The following TMPRSS11F variants were observed in gnomAD, a reference collection of about 807,000 sequenced individuals.
TMPRSS11F encodes the protein transmembrane protease serine 11F.
TMPRSS11F carries 47 observed loss-of-function variants against 60.2 expected under a neutral mutation model. That is an observed-to-expected ratio of 0.78 (90% CI 0.62 to 1.00). The LOEUF is 1.00. Ranked by LOEUF, TMPRSS11F falls within the 50% of genes least tolerant of loss-of-function variation. TMPRSS11F has a pLI of 0.00. For missense variants in TMPRSS11F, 519 were observed against 522.9 expected (o/e 0.99, Z 0.07); for synonymous variants, 166 against 167.3 (o/e 0.99, Z 0.06).
chr4:68,118,918 T>C (rs535880855), intron 1 of TMPRSS11F, among the ~76,000 whole-genome samples: 1 of 152,142 alleles, frequency 6.6e-6, no homozygotes, highest in Non-Finnish European at 1.5e-5. Flanking sequence ...AATCAAAAGC[T>C]AGAAATAATT....
chr4:68,066,427 A>G (rs1723329290), intron 7 of TMPRSS11F, among the ~76,000 whole-genome samples: 2 of 152,214 alleles, frequency 1.3e-5, no homozygotes, highest in Non-Finnish European at 2.9e-5. Context: ...ACGAAAATTA[A>G]GACCCAGAAG....
intron 5 of TMPRSS11F, among the ~76,000 whole-genome samples, chr4:68,071,506 A>G (rs1176043190): frequency 1.3e-5 from 2 of 152,236 alleles, no homozygotes. Context: ...TGGAACATCT[A>G]TCACATGTGA....
At position 68,072,368 on chromosome 4, in the gene TMPRSS11F, T is replaced by C; in HGVS notation, c.469A>G (p.Lys157Glu). Residue 157 changes from lysine (K) to glutamate (E), a missense_variant, in exon 5 of 10, where the codon AAA becomes GAA. Lys to Glu is a moderately conservative substitution (Grantham distance 56, BLOSUM62 1). Transcript: ENST00000356291. Reference protein sequence around the residue: ...EKALYQSLKTKQLSLTINKPS... With the variant: ...EKALYQSLKTEQLSLTINKPS... ...TTGTTTATGGTCAAAGACAATTGTT[T>C]GGTCTTCAAACTTTGATATAAAGCC... The C allele has an allele frequency of 6.2e-7, 1 of 1,605,298 alleles. No individual in the cohort carries two copies. The highest frequency in any genetic ancestry group is 8.5e-7 in the Non-Finnish European group (1 of 1,175,302).
At position 68,060,598 on chromosome 4, in the gene TMPRSS11F, C is replaced by CTT. The variant is rs1410291699; in HGVS notation, c.1016-1131_1016-1130insAA. Among the ~76,000 whole-genome samples, 117 of 133,204 alleles carry CTT rather than the reference C, an allele frequency of 8.8e-4. 2 individuals carry two copies. Among genetic ancestry groups the CTT allele is most frequent in the African/African-American group, 3.1e-3 (114 of 37,056 alleles). The allele number at this position is 133,204 out of a possible 152,430, so 87.4% of individuals were successfully genotyped here. ...ATCCTTGACAGAAACATAAGTATCT[C>CTT]TCTTTTTTTTTTTCAGGTTCTAATT... On this transcript the variant is annotated intron_variant, in intron 8 of 9. Coordinates refer to ENST00000356291, the MANE Select transcript of TMPRSS11F (RefSeq NM_207407.2).
rs138841346 is a variant in TMPRSS11F at position 68,108,762 on chromosome 4, T to C, written c.12-9724A>G. On this transcript the variant is annotated intron_variant, in intron 1 of 9. Transcript: ENST00000356291. The stretch of plus-strand genomic sequence containing the variant: ...GAAAAGATTATTGCTTCAGAAGAGG[T>C]AGAAAAGGCTGTGATGTAGAGAAGT... Among the ~76,000 whole-genome samples, 725 of 152,256 alleles carry C rather than the reference T, an allele frequency of 4.8e-3. 3 individuals are homozygous for C. Among genetic ancestry groups the C allele is most frequent in the Non-Finnish European group, 6.6e-3 (448 of 68,010 alleles).
At chr4:68,056,248 T>C (rs1560389717) in intron 9 of TMPRSS11F, among the ~76,000 whole-genome samples, 2 of 152,118 alleles carry the variant, frequency 1.3e-5, no homozygotes, top group Admixed American at 1.3e-4. Flanking sequence ...TCTTTGTGTG[T>C]TGACAACATG....
rs527632709 is a variant in TMPRSS11F at position 68,063,215 on chromosome 4, A to G, written c.1015+1470T>C. On this transcript the variant is annotated intron_variant, in intron 8 of 9. Coordinates refer to ENST00000356291, the MANE Select transcript of TMPRSS11F (RefSeq NM_207407.2). The stretch of plus-strand genomic sequence containing the variant: ...CAACTGCCTCTGGAGATACTTTTCT[A>G]AAACAGGTAAGTTCATGTACTCCAC... The G allele has an allele frequency of 2.6e-5, 15 of 587,748 alleles. No homozygotes were observed. The East Asian group carries it at 6.7e-4, about 26-fold the overall frequency. The allele number at this position is 587,748 out of a possible 1,614,324, so 36.4% of individuals were successfully genotyped here. A position where few individuals can be genotyped will look rare whatever the true frequency, so the allele number is the denominator to read the frequency against.
chr4:68,084,920 T>C (rs1172810452), intron 3 of TMPRSS11F, among the ~76,000 whole-genome samples: 1 of 133,930 alleles, frequency 7.5e-6, no homozygotes, highest in Non-Finnish European at 1.6e-5. Flanking sequence ...GAGTGTGATA[T>C]TCCCCTTCCT....
chr4:68,069,850 T>C (rs1003991345), intron 6 of TMPRSS11F, 119 bp downstream of exon 6: 2 of 730,632 alleles, frequency 2.7e-6, no homozygotes, highest in Non-Finnish European at 4.4e-6. Flanking sequence ...GTGTTCGGTT[T>C]ACAAAAATAT....
intron 3 of TMPRSS11F, among the ~76,000 whole-genome samples, chr4:68,088,097 C>T (rs1278568004): frequency 6.6e-6 from 1 of 152,030 alleles, no homozygotes; most frequent in Non-Finnish European, 1.5e-5. Flanking sequence ...TATAGACTGG[C>T]AGATTGGATA....
intron 8 of TMPRSS11F, chr4:68,062,793 T>A: frequency 1.3e-6 from 1 of 747,504 alleles, no homozygotes; most frequent in South Asian, 1.3e-5. Context: ...CGGATGGATA[T>A]CTTGCATTTG....
At chr4:68,102,940 T>G (rs1724221611) in intron 1 of TMPRSS11F, among the ~76,000 whole-genome samples, 1 of 151,882 alleles carries the variant, frequency 6.6e-6, no homozygotes, top group Admixed American at 6.6e-5. Flanking sequence ...GAAAGTTTTG[T>G]AGTTTCTGGT....
At chr4:68,092,093 C>T (rs950466142) in intron 2 of TMPRSS11F, among the ~76,000 whole-genome samples, 6 of 152,040 alleles carry the variant, frequency 3.9e-5, no homozygotes, top group African/African-American at 1.4e-4. Flanking sequence ...GCCAGATCTC[C>T]AATCTCTTAC....
At chr4:68,081,261 C>T (rs559263500) in intron 3 of TMPRSS11F, among the ~76,000 whole-genome samples, 1 of 152,240 alleles carries the variant, frequency 6.6e-6, no homozygotes, top group Non-Finnish European at 1.5e-5. Context: ...ATTTTCCAGT[C>T]TTTATTTTGG....
intron 9 of TMPRSS11F, among the ~76,000 whole-genome samples, chr4:68,057,432 C>T (rs1364084126): frequency 6.6e-6 from 1 of 151,952 alleles, no homozygotes; most frequent in Non-Finnish European, 1.5e-5. Flanking sequence ...AACTCCATGA[C>T]ATTGGTTTGG....
intron 1 of TMPRSS11F, among the ~76,000 whole-genome samples, chr4:68,102,051 T>C (rs745821768): frequency 1.3e-5 from 2 of 152,126 alleles, no homozygotes; most frequent in Non-Finnish European, 1.5e-5. Context: ...TTAAAAAATA[T>C]TACACATCTA....
intron 3 of TMPRSS11F, among the ~76,000 whole-genome samples, chr4:68,082,537 C>T (rs182376668): frequency 1.4e-4 from 21 of 152,350 alleles, no homozygotes; most frequent in Non-Finnish European, 2.2e-4. Flanking sequence ...AAGGATGCTA[C>T]CTGGCTGCTC....
chr4:68,077,153 G>A (rs965369192), intron 3 of TMPRSS11F: 2 of 152,278 alleles, frequency 1.3e-5, no homozygotes, highest in African/African-American at 2.4e-5. Flanking sequence ...AAAACAGTCT[G>A]TCACTCAATA....
Position 68,059,395 on chromosome 4 carries a change from C to T in TMPRSS11F, c.1089G>A (p.Val363=), listed in dbSNP as rs771082035. Residue 363 remains valine (V), a synonymous_variant, in exon 9 of 10, where the codon GTG becomes GTA. Transcript: ENST00000356291. ...ISTDVCNRKD[V]YDGLITPGML... ...TTCCTGGAGTTATCAGGCCATCATA[C>T]ACATCCTTTCTGTTACACACATCAG... is the stretch of plus-strand genomic sequence containing the variant. 1 of 1,613,960 alleles carries T rather than the reference C, an allele frequency of 6.2e-7. No homozygotes were observed. Among genetic ancestry groups the T allele is most frequent in the Non-Finnish European group, 8.5e-7 (1 of 1,179,990 alleles).
Sources: gnomAD v4.1 joint callset for allele counts (sites outside exome capture counted in the v4.1 genomes callset) on GRCh38, gnomAD v4.1.1 for gene constraint, MANE v1.5 for transcripts, NCBI Gene and HGNC (gene_info 2026-07-23, HGNC 2026-07-21) for gene names.